ASIC2: variants seen among roughly 807,000 people sequenced by gnomAD.
ASIC2 encodes the protein acid-sensing ion channel 2.
Under a neutral mutation model 57.3 loss-of-function variants are expected in ASIC2, and 25 were observed. The ratio of observed to expected loss-of-function variants is 0.44; its 90% CI spans 0.32 to 0.61. The LOEUF (loss-of-function observed/expected upper bound fraction) is 0.61. Ranked by LOEUF, ASIC2 falls within the 20% of genes least tolerant of loss-of-function variation. ASIC2 has a pLI of 0.06. For synonymous variants in ASIC2, 319 were observed against 307.5 expected (o/e 1.04, Z -0.39); for missense variants, 641 against 738.1 (o/e 0.87, Z 1.52).
intron 1 of ASIC2, among the ~76,000 whole-genome samples, chr17:33,602,584 T>C (rs949321103): frequency 4.6e-5 from 7 of 152,210 alleles, no homozygotes; most frequent in Non-Finnish European, 8.8e-5. Context: ...GGTACTGTTA[T>C]AGCAGCACAA....
intron 1 of ASIC2, among the ~76,000 whole-genome samples, chr17:33,184,123 G>A (rs1054704276): frequency 1.3e-5 from 2 of 152,124 alleles, no homozygotes; most frequent in African/African-American, 4.8e-5. Flanking sequence ...CTTTACTTTA[G>A]AGAAGAGGAA....
rs976232500 is a variant in ASIC2, at chr17:33,658,915, A to G, written c.555+497063T>C. Among the ~76,000 whole-genome samples the G allele has an allele frequency of 2.6e-5, 4 of 152,188 alleles. No individual in the cohort carries two copies. In the East Asian group the frequency reaches 7.7e-4, roughly 29 times the overall value. ...CTACTCGGGAGGCTGAGGCAAGAGA[A>G]TTGCTTGAACCTGGGAGGCGGAGGT... is the stretch of plus-strand genomic sequence containing the variant. On this transcript the variant is annotated intron_variant, in intron 1 of 9. Transcript: ENST00000359872.
chr17:33,969,945 G>C (rs1905179012), intron 1 of ASIC2, among the ~76,000 whole-genome samples: 1 of 152,132 alleles, frequency 6.6e-6, no homozygotes. Flanking sequence ...AGAGGGAAAG[G>C]AAAGGCCCAC....
chr17:33,464,492 C>A (rs1414860615), intron 1 of ASIC2, among the ~76,000 whole-genome samples: 15 of 37,280 alleles, frequency 4.0e-4, no homozygotes, highest in African/African-American at 1.9e-3. Flanking sequence ...CTCTTTCTTT[C>A]TTTCTTTCTT....
chr17:33,029,080 G>T (rs2091870484), intron 3 of ASIC2, among the ~76,000 whole-genome samples: 1 of 152,084 alleles, frequency 6.6e-6, no homozygotes, highest in Admixed American at 6.6e-5. Flanking sequence ...GGGAACTAAT[G>T]GTTGTTGAGC....
At chr17:33,652,683 C>A (rs1335859384) in intron 1 of ASIC2, among the ~76,000 whole-genome samples, 1 of 152,236 alleles carries the variant, frequency 6.6e-6, no homozygotes, top group East Asian at 1.9e-4. Flanking sequence ...CACCCCTCAA[C>A]TCCGTTGCTG....
At chr17:33,517,321 G>A (rs1914602318) in intron 1 of ASIC2, among the ~76,000 whole-genome samples, 1 of 152,118 alleles carries the variant, frequency 6.6e-6, no homozygotes, top group South Asian at 2.1e-4. Context: ...TCACCATGTT[G>A]GCCAGGCTGG....
chr17:33,298,204 G>GTGC (rs1414106822), upstream of ASIC2, among the ~76,000 whole-genome samples: 2 of 152,026 alleles, frequency 1.3e-5, no homozygotes, highest in Non-Finnish European at 1.5e-5. Flanking sequence ...CCATGTTGGT[G>GTGC]TGCTGCACCC....
At chr17:33,691,523 A>G (rs1597837154) in intron 1 of ASIC2, among the ~76,000 whole-genome samples, 1 of 152,190 alleles carries the variant, frequency 6.6e-6, no homozygotes. Flanking sequence ...TTTTCTTTCT[A>G]TGAGCTGTAG....
intron 1 of ASIC2, among the ~76,000 whole-genome samples, chr17:33,505,377 C>G (rs1275450118): frequency 6.6e-6 from 1 of 152,132 alleles, no homozygotes; most frequent in African/African-American, 2.4e-5. Flanking sequence ...ACCACCAAGA[C>G]CTGCTGATGC....
chr17:34,033,015 T>C (rs1015624393), intron 1 of ASIC2, among the ~76,000 whole-genome samples: 6 of 152,240 alleles, frequency 3.9e-5, no homozygotes, highest in African/African-American at 1.4e-4. Context: ...CAAGCGGACC[T>C]TGTAGACATC....
At chr17:33,255,103 G>A (rs540630760) in intron 1 of ASIC2, among the ~76,000 whole-genome samples, 357 of 138,946 alleles carry the variant, frequency 2.6e-3, no homozygotes, top group Non-Finnish European at 4.7e-3. Flanking sequence ...GCAGTGGCAC[G>A]ATCTCGGCTC....
intron 1 of ASIC2, among the ~76,000 whole-genome samples, chr17:33,277,414 G>A (rs1904749206): frequency 6.6e-6 from 1 of 152,196 alleles, no homozygotes; most frequent in Non-Finnish European, 1.5e-5. Context: ...CTGGGCCTTA[G>A]CTGCCCCATC....
chr17:33,808,238 T>G (rs1057322276), intron 1 of ASIC2, among the ~76,000 whole-genome samples: 4 of 152,246 alleles, frequency 2.6e-5, no homozygotes, highest in African/African-American at 9.6e-5. Flanking sequence ...CTACATTCTT[T>G]TTTTGCATGC....
chr17:33,679,725 G>C (rs1907939858), intron 1 of ASIC2, among the ~76,000 whole-genome samples: 2 of 152,158 alleles, frequency 1.3e-5, no homozygotes, highest in Non-Finnish European at 2.9e-5. Context: ...GGAAGAGCAG[G>C]CCAGGCGAAG....
At chr17:33,206,981 C>A (rs1907086477) in intron 1 of ASIC2, among the ~76,000 whole-genome samples, 1 of 152,182 alleles carries the variant, frequency 6.6e-6, no homozygotes. Flanking sequence ...CACTCCCCTG[C>A]CCTTTTTCTG....
chr17:33,687,941 G>T (rs1908246089), intron 1 of ASIC2, among the ~76,000 whole-genome samples: 1 of 152,120 alleles, frequency 6.6e-6, no homozygotes, highest in Non-Finnish European at 1.5e-5. Flanking sequence ...GTATTTGTGG[G>T]ACCGAAACCA....
chr17:33,492,215 C>T (rs1913784245), intron 1 of ASIC2, among the ~76,000 whole-genome samples: 1 of 152,198 alleles, frequency 6.6e-6, no homozygotes, highest in South Asian at 2.1e-4. Flanking sequence ...ATTTAATCTG[C>T]ACAGCAATTC....
chr17:33,571,118 C>G (rs1277850276), intron 1 of ASIC2, among the ~76,000 whole-genome samples: 1 of 152,132 alleles, frequency 6.6e-6, no homozygotes, highest in African/African-American at 2.4e-5. Flanking sequence ...AAGCGTACAC[C>G]ATTCCAGATT....
Sources: allele counts gnomAD v4.1 joint callset (sites outside exome capture counted in the v4.1 genomes callset), GRCh38; gene constraint gnomAD v4.1.1; transcripts MANE v1.5; gene names NCBI Gene and HGNC (gene_info 2026-07-23, HGNC 2026-07-21).